CAMK2G: variants seen among roughly 807,000 people sequenced by gnomAD.
CAMK2G encodes the protein calcium/calmodulin dependent protein kinase II gamma.
CAMK2G carries 23 observed loss-of-function variants against 88.7 expected under a neutral mutation model. The observed-to-expected ratio is 0.26, with a 90% CI of 0.19 to 0.37. The LOEUF (loss-of-function observed/expected upper bound fraction) is 0.37. Among genes scored for constraint, CAMK2G ranks in the 10% least tolerant of loss-of-function variants. The pLI is 1.00. For missense variants in CAMK2G, 476 were observed against 780.8 expected, an observed-to-expected ratio of 0.61 and a Z score of 4.65; for synonymous variants, 263 against 294.8, an observed-to-expected ratio of 0.89 and a Z score of 1.11.
At chr10:73,829,704 T>G (rs1222929475) in intron 14 of CAMK2G, among the ~76,000 whole-genome samples, 1 of 147,366 alleles carries the variant, frequency 6.8e-6, no homozygotes, top group Non-Finnish European at 1.5e-5. Flanking sequence ...TAGTGGGGTG[T>G]GTGTGTGTGT....
chr10:73,853,352 G>T, intron 3 of CAMK2G, 106 bp from the exon 4 acceptor site: 2 of 987,972 alleles, frequency 2.0e-6, no homozygotes, highest in Non-Finnish European at 3.1e-6. Context: ...GGCTCACAGG[G>T]CTCTCCAGAA....
rs574978946 is a variant in CAMK2G at position 73,848,161 on chromosome 10, G to A, written c.602-79C>T. On this transcript the variant is annotated intron_variant, in intron 8 of 22. Transcript: ENST00000423381. The surrounding 1 kb of genome is among the most constrained non-coding windows in gnomAD (Gnocchi z 4.5). The stretch of plus-strand genomic sequence containing the variant: ...ACCAAGAAAAACCATGCAGGGCTCA[G>A]AGCCACCTAGAAAGGCAGGGGCCAT... 1.2e-6 allele frequency: 1 copy of A among 861,480 alleles called. No homozygotes were observed. The highest frequency in any genetic ancestry group is 2.0e-6 in the Non-Finnish European group (1 of 505,780). The allele number at this position is 861,480 out of a possible 1,614,324, so 53.4% of individuals were successfully genotyped here. A position where few individuals can be genotyped will look rare whatever the true frequency, so the allele number is the denominator to read the frequency against.
At chr10:73,870,640 T>C (rs1297563178) in intron 2 of CAMK2G, among the ~76,000 whole-genome samples, 2 of 152,162 alleles carry the variant, frequency 1.3e-5, no homozygotes, top group African/African-American at 2.4e-5. Flanking sequence ...GAAGACCCAG[T>C]GAACACAGCA....
intron 20 of CAMK2G, 30 bp downstream of exon 20, chr10:73,817,449 G>A: frequency 6.8e-7 from 1 of 1,463,310 alleles, no homozygotes; most frequent in Non-Finnish European, 9.6e-7. Context: ...AGATGACTTA[G>A]GTCACAAAAA....
intron 3 of CAMK2G, among the ~76,000 whole-genome samples, chr10:73,853,666 G>A (rs907763099): frequency 2.0e-5 from 3 of 152,202 alleles, no homozygotes; most frequent in African/African-American, 7.2e-5. Context: ...AGCAGTAAAT[G>A]GGAGCAGAAC....
At position 73,814,988 on chromosome 10, in the gene CAMK2G, G is replaced by C. The variant is rs369237403; in HGVS notation, c.*12+15C>G. On this transcript the variant is annotated intron_variant, in intron 22 of 22. Transcript: ENST00000423381. ...CAGGCCCTTCCAGCCCCTCTCCCCC[G>C]TCAACCAGGTGCACCTGTGGCTGAG... is the stretch of plus-strand genomic sequence containing the variant. The C allele has an allele frequency of 6.4e-7, 1 of 1,558,240 alleles. No homozygotes were observed. The highest frequency in any genetic ancestry group is 8.8e-7 in the Non-Finnish European group (1 of 1,133,132).
Position 73,842,600 on chromosome 10 carries a change from T to C in CAMK2G, c.820-59A>G, listed in dbSNP as rs2093887143. On this transcript the variant is annotated intron_variant, in intron 10 of 22. Coordinates refer to ENST00000423381, the MANE Select transcript of CAMK2G (RefSeq NM_001367534.1). The surrounding 1 kb of genome is among the most constrained non-coding windows in gnomAD (Gnocchi z 4.6). The stretch of plus-strand genomic sequence containing the variant: ...CCCAGATCCTCTGCGCCTCCCACAG[T>C]CCTGGCACCGATACCATGCCCAGGA... The C allele has an allele frequency of 8.1e-7, 1 of 1,228,776 alleles. No individual in the cohort carries two copies. The highest frequency in any genetic ancestry group is 1.2e-6 in the Non-Finnish European group (1 of 831,938). 76.1% of individuals were successfully genotyped at this position (1,228,776 alleles called of 1,614,324 possible).
chr10:73,829,733 GTATATCTCCTTATCCCTT>G, intron 14 of CAMK2G, among the ~76,000 whole-genome samples: 1 of 150,440 alleles, frequency 6.6e-6, no homozygotes, highest in South Asian at 2.1e-4. Context: ...GTGTGTGTGT[GTATATCTCCTTATCCCTT>G]TACCCAACTA....
At position 73,847,424 on chromosome 10, in the gene CAMK2G, C is replaced by G. The variant is rs564289562; in HGVS notation, c.697-77G>C. 80 of 1,488,462 alleles carry G rather than the reference C, an allele frequency of 5.4e-5. No homozygotes were observed. In the African/African-American group the frequency reaches 1.0e-3, roughly 19 times the overall value. 92.2% of individuals were successfully genotyped at this position (1,488,462 alleles called of 1,614,324 possible). A position where few individuals can be genotyped will look rare whatever the true frequency, so the allele number is the denominator to read the frequency against. ...TGCAACACTGGTTCTGTCTTCAACT[C>G]AACTCCTGTAATTGGGATACTCTGT... On this transcript the variant is annotated intron_variant, in intron 9 of 22. Coordinates refer to ENST00000423381, the MANE Select transcript of CAMK2G (RefSeq NM_001367534.1).
In CAMK2G at chr10:73,839,676, G is replaced by A. The variant is rs1447244336; in HGVS notation, c.947-75C>T. 1.2e-5 allele frequency: 11 copies of A among 940,480 alleles called. No homozygotes were observed. The highest frequency in any genetic ancestry group is 5.4e-5 in the South Asian group (1 of 18,672). 58.3% of individuals were successfully genotyped at this position (940,480 alleles called of 1,614,324 possible). On this transcript the variant is annotated intron_variant, in intron 12 of 22. Transcript: ENST00000423381. This position sits in a 1 kb window ranked among gnomAD's most constrained non-coding sequence, Gnocchi z 4.2. The stretch of plus-strand genomic sequence containing the variant: ...CCGTCAGCAGCGAGCATGCCCCAGC[G>A]CGAGGCGCAGCCCAGGCGGCGTGGC...
intron 2 of CAMK2G, among the ~76,000 whole-genome samples, chr10:73,871,669 G>A (rs1034222548): frequency 2.6e-5 from 4 of 151,870 alleles, no homozygotes; most frequent in Non-Finnish European, 4.4e-5. Flanking sequence ...TATCTCTATG[G>A]CAACCATCCT....
At chr10:73,819,707 GC>G (rs1167900744) in intron 18 of CAMK2G, 62 bp from the exon 19 acceptor site, 1 of 1,070,814 alleles carries the variant, frequency 9.3e-7, no homozygotes, top group Non-Finnish European at 1.3e-6. Flanking sequence ...ACAGAACAAG[GC>G]AGGTGAGCGA....
intron 2 of CAMK2G, among the ~76,000 whole-genome samples, chr10:73,871,741 C>T (rs1204675202): frequency 2.6e-5 from 4 of 152,056 alleles, no homozygotes; most frequent in Non-Finnish European, 4.4e-5. Flanking sequence ...GCAATGTACA[C>T]GAACAGCAAG....
chr10:73,834,450 C>T (rs973363833), intron 14 of CAMK2G, among the ~76,000 whole-genome samples: 2 of 152,124 alleles, frequency 1.3e-5, no homozygotes, highest in Non-Finnish European at 2.9e-5. Flanking sequence ...GGCTAGGTTC[C>T]CCACGCACGT....
At chr10:73,816,190 TC>T (rs1170078880) in intron 21 of CAMK2G, 1 of 985,304 alleles carries the variant, frequency 1.0e-6, no homozygotes, top group African/African-American at 1.8e-5. Flanking sequence ...CAGCTTCTTA[TC>T]CCCTTATTTT....
At chr10:73,847,755 A>G (rs1319578598) in intron 9 of CAMK2G, among the ~76,000 whole-genome samples, 1 of 152,172 alleles carries the variant, frequency 6.6e-6, no homozygotes, top group Non-Finnish European at 1.5e-5. Context: ...AGATCAAAGG[A>G]CTTCAGTGGA....
At chr10:73,817,409 T>C in intron 20 of CAMK2G, 70 bp downstream of exon 20, 4 of 1,119,772 alleles carry the variant, frequency 3.6e-6, no homozygotes, top group Non-Finnish European at 5.5e-6. Context: ...AGGGTCCTAA[T>C]TGTTGTCTGG....
Position 73,842,685 on chromosome 10 carries a change from T to A in CAMK2G, c.820-144A>T. ...TGAAGATGAAATGAGGTCACAGATG[T>A]GAAAACGCTTTTAGAATAAAAGCAC... is the stretch of plus-strand genomic sequence containing the variant. On this transcript the variant is annotated intron_variant, in intron 10 of 22. Coordinates refer to ENST00000423381, the MANE Select transcript of CAMK2G (RefSeq NM_001367534.1). This position sits in a 1 kb window ranked among gnomAD's most constrained non-coding sequence, Gnocchi z 4.6. 3.2e-6 allele frequency: 2 copies of A among 621,124 alleles called. No homozygotes were observed. The highest frequency in any genetic ancestry group is 1.9e-5 in the South Asian group (1 of 52,658). The allele number at this position is 621,124 out of a possible 1,614,324, so 38.5% of individuals were successfully genotyped here.
chr10:73,818,213 C>G (rs985801933), intron 19 of CAMK2G: 1 of 176,906 alleles, frequency 5.7e-6, no homozygotes, highest in Non-Finnish European at 1.2e-5. Flanking sequence ...ATTTACCTCT[C>G]GAGGCTTGGG....
Sources: allele counts gnomAD v4.1 joint callset (sites outside exome capture counted in the v4.1 genomes callset), GRCh38; gene constraint gnomAD v4.1.1; non-coding constraint Gnocchi (gnomAD v3.1); transcripts MANE v1.5; gene names NCBI Gene and HGNC (gene_info 2026-07-23, HGNC 2026-07-21).